The following STUM variants were observed in gnomAD, a reference collection of about 807,000 sequenced individuals.
STUM encodes the protein protein stum homolog.
In STUM, 8 loss-of-function variants were observed where a neutral mutation model predicts 15.3. The observed-to-expected ratio is 0.52, with a 90% confidence interval of 0.31 to 0.94. STUM has a LOEUF of 0.94. Among genes scored for constraint, STUM ranks in the 40% least tolerant of loss-of-function variants. The pLI is 0.05. For missense variants in STUM, 142 were observed against 204.9 expected (o/e 0.69, Z 1.87); for synonymous variants, 78 against 88.7 (o/e 0.88, Z 0.68).
At chr1:226,574,814 A>G (rs559528153) in intron 1 of STUM, among the ~76,000 whole-genome samples, 13 of 152,208 alleles carry the variant, frequency 8.5e-5, no homozygotes, top group African/African-American at 3.1e-4. Flanking sequence ...CAGCTTTGCA[A>G]GAGAAGTGAT....
intron 1 of STUM, among the ~76,000 whole-genome samples, chr1:226,593,282 G>A (rs1238811511): frequency 2.0e-5 from 3 of 151,844 alleles, no homozygotes; most frequent in Non-Finnish European, 4.4e-5. Flanking sequence ...CTCTGTGAGA[G>A]CTCCGTTTCC....
At chr1:226,584,930 C>A (rs1426034257) in intron 1 of STUM, among the ~76,000 whole-genome samples, 3 of 152,174 alleles carry the variant, frequency 2.0e-5, no homozygotes, top group African/African-American at 4.8e-5. Flanking sequence ...CATGGCAAAA[C>A]CATTTTTACA....
rs556253446 is a variant in STUM, at chr1:226,572,524, T to C, written c.202+23418T>C. Among the ~76,000 whole-genome samples the C allele has an allele frequency of 3.9e-5, 6 of 152,256 alleles. No homozygotes were observed. The East Asian group carries it at 1.2e-3, about 29-fold the overall frequency. ...AGTGGAGCTGGTCACAGTTTTACGA[T>C]GAGCAGACGGAGCAGAGGGGAGCAC... On this transcript the variant is annotated intron_variant, in intron 1 of 3. Coordinates refer to ENST00000366788, the MANE Select transcript of STUM (RefSeq NM_001003665.4).
chr1:226,577,519 A>T lies in STUM; in HGVS notation c.203-19283A>T, dbSNP rs61836978. Among the ~76,000 whole-genome samples the T allele has an allele frequency of 2.1e-5, 3 of 140,588 alleles. No individual in the cohort carries two copies. The South Asian group carries it at 6.8e-4, about 32-fold the overall frequency. The allele number at this position is 140,588 out of a possible 152,430, so 92.2% of individuals were successfully genotyped here. A position where few individuals can be genotyped will look rare whatever the true frequency, so the allele number is the denominator to read the frequency against. On this transcript the variant is annotated intron_variant, in intron 1 of 3. Coordinates refer to ENST00000366788, the MANE Select transcript of STUM (RefSeq NM_001003665.4). ...GTTTCTCACACACACACACACACAC[A>T]CTCACACACTCAGGCACACATAGAC...
intron 1 of STUM, among the ~76,000 whole-genome samples, chr1:226,581,406 A>G (rs371284829): frequency 6.6e-6 from 1 of 152,172 alleles, no homozygotes; most frequent in Admixed American, 6.5e-5. Context: ...TTTATAACAG[A>G]ATGAAGTTTA....
At chr1:226,560,012 G>A (rs1254911615) in intron 1 of STUM, among the ~76,000 whole-genome samples, 1 of 151,840 alleles carries the variant, frequency 6.6e-6, no homozygotes, top group Non-Finnish European at 1.5e-5. Context: ...GATGGCGGGC[G>A]CCTGTAATCC....
intron 1 of STUM, among the ~76,000 whole-genome samples, chr1:226,590,353 T>C (rs1029703248): frequency 2.0e-5 from 3 of 152,056 alleles, no homozygotes; most frequent in Non-Finnish European, 2.9e-5. Flanking sequence ...CCTAAGCGAG[T>C]CTGCGATTGC....
At chr1:226,557,508 T>A (rs1334182543) in intron 1 of STUM, among the ~76,000 whole-genome samples, 1 of 152,232 alleles carries the variant, frequency 6.6e-6, no homozygotes, top group Non-Finnish European at 1.5e-5. Flanking sequence ...GAAGTAGGAT[T>A]GTGGGTCATA....
intron 1 of STUM, among the ~76,000 whole-genome samples, chr1:226,585,504 T>C (rs1571808053): frequency 1.3e-5 from 2 of 152,200 alleles, no homozygotes; most frequent in East Asian, 3.9e-4. Flanking sequence ...TACCTGGAGA[T>C]GAGGTCTAGA....
At chr1:226,551,128 A>C (rs1319639601) in intron 1 of STUM, among the ~76,000 whole-genome samples, 1 of 151,798 alleles carries the variant, frequency 6.6e-6, no homozygotes. Context: ...CTGGGTGCAC[A>C]GGCTCCTGCT....
At chr1:226,596,126 T>C (rs1668176012) in intron 1 of STUM, among the ~76,000 whole-genome samples, 1 of 152,188 alleles carries the variant, frequency 6.6e-6, no homozygotes, top group Non-Finnish European at 1.5e-5. Flanking sequence ...CCCACCACGT[T>C]GCTTGGCACC....
At position 226,605,492 on chromosome 1, in the gene STUM, C is replaced by G. The variant is rs904424120; in HGVS notation, c.*3452C>G. 13 of 152,244 alleles carry G rather than the reference C, an allele frequency of 8.5e-5. No homozygotes were observed. Among genetic ancestry groups the G allele is most frequent in the African/African-American group, 2.7e-4 (11 of 41,428 alleles). The allele number at this position is 152,244 out of a possible 1,614,324, so 9.4% of individuals were successfully genotyped here. On this transcript the variant is annotated 3_prime_UTR_variant, in exon 4 of 4. Coordinates refer to ENST00000366788, the MANE Select transcript of STUM (RefSeq NM_001003665.4). This position sits in a 1 kb window ranked among gnomAD's most constrained non-coding sequence, Gnocchi z 4.0. ...AGGTCCTGTGGAGGGGTCCTCACCC[C>G]TCAGGAGTAATAGGGTGATTATGTC...
At chr1:226,595,313 C>A (rs771894339) in intron 1 of STUM, among the ~76,000 whole-genome samples, 8 of 152,130 alleles carry the variant, frequency 5.3e-5, no homozygotes, top group Non-Finnish European at 1.0e-4. Context: ...GGCCCCCGAC[C>A]AATTGGATGG....
intron 1 of STUM, among the ~76,000 whole-genome samples, chr1:226,589,607 C>T (rs1668052732): frequency 6.6e-6 from 1 of 152,210 alleles, no homozygotes; most frequent in African/African-American, 2.4e-5. Context: ...GACGTGCAAA[C>T]CACATGTCTG....
chr1:226,607,255 T>C lies in STUM; in HGVS notation c.*5215T>C, dbSNP rs1042465879. 5 of 152,330 alleles carry C rather than the reference T, an allele frequency of 3.3e-5. No homozygotes were observed. Among genetic ancestry groups the C allele is most frequent in the Admixed American group, 2.0e-4 (3 of 15,278 alleles). 9.4% of individuals were successfully genotyped at this position (152,330 alleles called of 1,614,324 possible). A position where few individuals can be genotyped will look rare whatever the true frequency, so the allele number is the denominator to read the frequency against. ...TTAGAGCTGGATGTTCACGGGATCA[T>C]GGGGCATGGAGGTGGTCACGCTCAG... On this transcript the variant is annotated 3_prime_UTR_variant, in exon 4 of 4. Coordinates refer to ENST00000366788, the MANE Select transcript of STUM (RefSeq NM_001003665.4).
chr1:226,597,155 C>T (rs1389443127), intron 2 of STUM, among the ~76,000 whole-genome samples, 174 bp downstream of exon 2: 2 of 152,212 alleles, frequency 1.3e-5, no homozygotes, highest in African/African-American at 4.8e-5. Flanking sequence ...ACTGGGGACC[C>T]TCCCCGCCAG....
intron 1 of STUM, among the ~76,000 whole-genome samples, chr1:226,573,960 G>A (rs964867234): frequency 4.0e-5 from 6 of 151,812 alleles, no homozygotes; most frequent in African/African-American, 1.2e-4. Flanking sequence ...TGAGCCTCCC[G>A]AGTAGCTGGG....
At chr1:226,560,965 G>C (rs768028184) in intron 1 of STUM, among the ~76,000 whole-genome samples, 3 of 152,124 alleles carry the variant, frequency 2.0e-5, no homozygotes, top group Non-Finnish European at 4.4e-5. Flanking sequence ...TTATTTGGGA[G>C]CATTGTTGCT....
intron 1 of STUM, among the ~76,000 whole-genome samples, chr1:226,560,387 G>A (rs577944621): frequency 3.2e-4 from 48 of 152,286 alleles, no homozygotes; most frequent in Admixed American, 9.8e-4. Flanking sequence ...AGGAATCCAC[G>A]TCTCAGAAGA....
Sources: gnomAD v4.1 joint callset for allele counts (sites outside exome capture counted in the v4.1 genomes callset) on GRCh38, gnomAD v4.1.1 for gene constraint, Gnocchi (gnomAD v3.1) non-coding constraint, MANE v1.5 for transcripts, NCBI Gene and HGNC (gene_info 2026-07-23, HGNC 2026-07-21) for gene names.